The following OSER1 variants were observed in gnomAD, a reference collection of about 807,000 sequenced individuals.
OSER1 encodes the protein oxidative stress responsive serine rich 1.
In OSER1, 15 loss-of-function variants were observed where a neutral mutation model predicts 26.3. That is an observed-to-expected ratio of 0.57 (90% CI 0.38 to 0.88). OSER1 has a LOEUF of 0.88. Among genes scored for constraint, OSER1 ranks in the 40% least tolerant of loss-of-function variants. The pLI, the probability that OSER1 is intolerant of heterozygous loss-of-function variation, is 0.00. For synonymous variants in OSER1, 127 were observed against 128.2 expected (o/e 0.99, Z 0.07); for missense variants, 313 against 353.9 (o/e 0.88, Z 0.93).
At chr20:44,205,040 G>A (rs767342018) in intron 2 of OSER1, among the ~76,000 whole-genome samples, 4 of 152,032 alleles carry the variant, frequency 2.6e-5, no homozygotes, top group Non-Finnish European at 5.9e-5. Flanking sequence ...TCACCATGTT[G>A]CCGAGGCTGG....
At chr20:44,208,729 T>G (rs1569244043) in intron 1 of OSER1, among the ~76,000 whole-genome samples, 1 of 152,204 alleles carries the variant, frequency 6.6e-6, no homozygotes, top group African/African-American at 2.4e-5. Context: ...TTCCTGCTGG[T>G]AGAACTAAAT....
intron 2 of OSER1, among the ~76,000 whole-genome samples, chr20:44,204,200 A>G (rs2073016797): frequency 6.6e-6 from 1 of 152,230 alleles, no homozygotes; most frequent in Non-Finnish European, 1.5e-5. Context: ...TAATAAATAT[A>G]TAGAGATTTG....
intron 3 of OSER1, among the ~76,000 whole-genome samples, chr20:44,198,628 T>C (rs1675093961): frequency 1.3e-5 from 2 of 149,420 alleles, no homozygotes; most frequent in Non-Finnish European, 1.5e-5. Flanking sequence ...CAAAAATAAA[T>C]AAATAAATAA....
Position 44,197,277 on chromosome 20 carries a change from T to C in OSER1, c.654A>G (p.Ser218=), listed in dbSNP as rs750330800. Residue 218 remains serine (S), a synonymous_variant, in exon 4 of 4, where the codon TCA becomes TCG. Transcript: ENST00000255174. ...CCAAGGGAGGGACACTCTGCAGGCC[T>C]GAAAAGGAATACACTTCCATATCAT... The part of the protein sequence containing the change: ...RWHDMEVYSF[S]GLQSVPPLAP... The C allele has an allele frequency of 6.2e-7, 1 of 1,614,050 alleles. No homozygotes were observed. Among genetic ancestry groups the C allele is most frequent in the African/African-American group, 1.3e-5 (1 of 75,060 alleles).
At chr20:44,198,641 A>T (rs988254058) in intron 3 of OSER1, among the ~76,000 whole-genome samples, 7 of 133,978 alleles carry the variant, frequency 5.2e-5, no homozygotes, top group Admixed American at 1.4e-4. Context: ...ATAAATAAAT[A>T]AAATAAAATA....
At chr20:44,204,739 A>T (rs112812381) in intron 2 of OSER1, among the ~76,000 whole-genome samples, 3,415 of 152,332 alleles carry the variant, frequency 0.022, 131 homozygotes, top group African/African-American at 0.079. Flanking sequence ...GAGAACATGC[A>T]GCATGTGGTT....
At chr20:44,199,796 G>C (rs539149949) in intron 3 of OSER1, among the ~76,000 whole-genome samples, 1 of 152,332 alleles carries the variant, frequency 6.6e-6, no homozygotes, top group South Asian at 2.1e-4. Context: ...AACGTGCTCT[G>C]ACTGATGGCA....
At position 44,210,485 on chromosome 20, in the gene OSER1, G is replaced by A. The variant is rs145767472; in HGVS notation, c.-42+211C>T. ...CCGCGGGAGGACGGGAAGGCGGGAA[G>A]GGGAGAGAGCGTGGAGCTCGGAGCT... is the stretch of plus-strand genomic sequence containing the variant. On this transcript the variant is annotated intron_variant, in intron 1 of 3. Coordinates refer to ENST00000255174, the MANE Select transcript of OSER1 (RefSeq NM_016470.8). Among the ~76,000 whole-genome samples the A allele has an allele frequency of 1.6e-3, 240 of 152,356 alleles. 3 individuals are homozygous for A. Among genetic ancestry groups the A allele is most frequent in the East Asian group, 0.015 (75 of 5,164 alleles).
At chr20:44,208,905 A>G (rs2073067420) in intron 1 of OSER1, among the ~76,000 whole-genome samples, 1 of 152,186 alleles carries the variant, frequency 6.6e-6, no homozygotes, top group Admixed American at 6.5e-5. Context: ...CGTACACATC[A>G]CATTTAAGTA....
intron 1 of OSER1, among the ~76,000 whole-genome samples, chr20:44,208,479 T>G (rs1456779238): frequency 7.1e-6 from 1 of 141,532 alleles, no homozygotes; most frequent in African/African-American, 2.8e-5. Context: ...GACAAAAAAA[T>G]AATTTAGATA....
chr20:44,206,521 C>T (rs955424862), intron 2 of OSER1, among the ~76,000 whole-genome samples: 80 of 152,298 alleles, frequency 5.3e-4, no homozygotes, highest in African/African-American at 1.8e-3. Flanking sequence ...ACTGAGCCAA[C>T]CCACTTTTAG....
chr20:44,197,239 CT>C lies in OSER1; in HGVS notation c.691del (p.Arg231AspfsTer34). On this transcript the variant is annotated frameshift_variant, in exon 4 of 4. Coordinates refer to ENST00000255174, the MANE Select transcript of OSER1 (RefSeq NM_016470.8). LOFTEE classifies it high-confidence loss of function. Reference sequence around the variant, plus strand: ...CTGAGAGTAGTCCTCAAGTGTGGATCTTCGTTCTGGAGCCAAGGGAGGGACA... The same window carrying C: ...CTGAGAGTAGTCCTCAAGTGTGGATCTCGTTCTGGAGCCAAGGGAGGGACA... Reference protein sequence around the residue: ...QSVPPLAPERRSTLEDYSQSL... With the variant: ...QSVPPLAPERXSTLEDYSQSL... 1 of 1,614,156 alleles carries C rather than the reference CT, an allele frequency of 6.2e-7. No homozygotes were observed. The highest frequency in any genetic ancestry group is 8.5e-7 in the Non-Finnish European group (1 of 1,179,968).
intron 3 of OSER1, among the ~76,000 whole-genome samples, chr20:44,201,008 C>CATTTTCAGATAAATGAA (rs2072976507): frequency 2.0e-5 from 3 of 148,486 alleles, no homozygotes; most frequent in Admixed American, 2.0e-4. Context: ...GAAATAAAGA[C>CATTTTCAGATAAATGAA]ATTTTCAGAT....
In OSER1 at chr20:44,196,887, T is replaced by C. The variant is rs377481938; in HGVS notation, c.*165A>G. 2.7e-5 allele frequency: 16 copies of C among 588,718 alleles called. No individual in the cohort carries two copies. The highest frequency in any genetic ancestry group is 4.2e-5 in the South Asian group (2 of 47,510). 36.5% of individuals were successfully genotyped at this position (588,718 alleles called of 1,614,324 possible). ...GTATGTAAGAACTCAAGAGAGTAAG[T>C]TGAAAGAATGAAGATTAACTGAGAT... On this transcript the variant is annotated 3_prime_UTR_variant, in exon 4 of 4. Transcript: ENST00000255174.
rs369184115 is a variant in OSER1 at position 44,196,314 on chromosome 20, C to T, written c.*738G>A. 0.16 allele frequency among the ~76,000 whole-genome samples: 13,813 copies of T among 88,780 alleles called. 818 individuals are homozygous for T. The highest frequency in any genetic ancestry group is 0.25 in the South Asian group (643 of 2,528). 58.2% of individuals were successfully genotyped at this position (88,780 alleles called of 152,430 possible). A position where few individuals can be genotyped will look rare whatever the true frequency, so the allele number is the denominator to read the frequency against. On this transcript the variant is annotated 3_prime_UTR_variant, in exon 4 of 4. Coordinates refer to ENST00000255174, the MANE Select transcript of OSER1 (RefSeq NM_016470.8). ...GATAACAAAAAAAAAAAAAAAAAAC[C>T]GCCATATATTTAAAATGCTGGAGAT...
At chr20:44,211,029 T>G (rs1463220963), upstream of OSER1, 1 of 152,424 alleles carries the variant, frequency 6.6e-6, no homozygotes, top group African/African-American at 2.4e-5. Flanking sequence ...TGGCGTGGAT[T>G]TGCTCCCGAC....
chr20:44,206,696 C>T (rs2073041350), intron 2 of OSER1, among the ~76,000 whole-genome samples, 185 bp downstream of exon 2: 1 of 152,140 alleles, frequency 6.6e-6, no homozygotes, highest in Non-Finnish European at 1.5e-5. Context: ...TCAAATTTAA[C>T]CAAAGGGTTT....
chr20:44,202,383 G>A (rs75801719), intron 3 of OSER1, among the ~76,000 whole-genome samples: 4,887 of 143,178 alleles, frequency 0.034, 302 homozygotes, highest in African/African-American at 0.12. Flanking sequence ...TCCATCTTAA[G>A]AAAAAAAAAA....
rs541621946 is a variant in OSER1 at position 44,208,036 on chromosome 20, C to CA, written c.-41-1039dup. On this transcript the variant is annotated intron_variant, in intron 1 of 3. Coordinates refer to ENST00000255174, the MANE Select transcript of OSER1 (RefSeq NM_016470.8). ...AGAGAGAATCAGAAGAAAAGTACCA[C>CA]AAAAAAAATAGAAATAGAGAATATT... Among the ~76,000 whole-genome samples the CA allele has an allele frequency of 3.5e-3, 526 of 151,312 alleles. 2 individuals are homozygous for CA. The highest frequency in any genetic ancestry group is 5.1e-3 in the Non-Finnish European group (346 of 67,792).
Sources: gnomAD v4.1 joint callset for allele counts (sites outside exome capture counted in the v4.1 genomes callset) on GRCh38, gnomAD v4.1.1 for gene constraint, MANE v1.5 for transcripts, NCBI Gene and HGNC (gene_info 2026-07-23, HGNC 2026-07-21) for gene names.